The following PCDHA1 variants were observed in gnomAD, a reference collection of about 807,000 sequenced individuals.
The protein encoded by PCDHA1 is protocadherin alpha 1.
In PCDHA1, 42 loss-of-function variants were observed where a neutral mutation model predicts 61.3. That is an observed-to-expected ratio of 0.69 (90% confidence interval 0.54 to 0.89). The LOEUF is 0.89. Ranked by LOEUF, PCDHA1 falls within the 40% of genes least tolerant of loss-of-function variation. The pLI, the probability that PCDHA1 is intolerant of heterozygous loss-of-function variation, is 0.00. For synonymous variants in PCDHA1, 610 were observed against 553.8 expected (o/e 1.10, Z -1.43); for missense variants, 1,256 against 1,235.3 (o/e 1.02, Z -0.25).
At chr5:140,788,755 A>G in intron 1 of PCDHA1, 71 bp downstream of exon 1, 1 of 1,465,940 alleles carries the variant, frequency 6.8e-7, no homozygotes, top group Non-Finnish European at 9.1e-7. Context: ...CTTTTCAAAT[A>G]TCACTTTAAA....
chr5:140,957,948 G>C (rs2153715688), intron 1 of PCDHA1, among the ~76,000 whole-genome samples: 1 of 152,152 alleles, frequency 6.6e-6, no homozygotes, highest in Non-Finnish European at 1.5e-5. Flanking sequence ...AGATCTTTAA[G>C]ACTATTAATT....
rs1554119788 is a variant in PCDHA1 at position 140,796,249 on chromosome 5, G to A, written c.2394+7565G>A. 6.2e-7 allele frequency: 1 copy of A among 1,614,030 alleles called. No individual in the cohort carries two copies. The highest frequency in any genetic ancestry group is 1.3e-5 in the African/African-American group (1 of 74,954). Reference sequence around the variant, plus strand: ...CTATGAGCTGGTGGTGACCGCACGGGACGGGGGCTCGCCTTCACTGTGGGC... The same window carrying A: ...CTATGAGCTGGTGGTGACCGCACGGAACGGGGGCTCGCCTTCACTGTGGGC... On this transcript the variant is annotated intron_variant, in intron 1 of 3. Transcript: ENST00000504120.
At chr5:140,934,771 A>G (rs1319115042) in intron 1 of PCDHA1, among the ~76,000 whole-genome samples, 2 of 152,184 alleles carry the variant, frequency 1.3e-5, no homozygotes, top group Non-Finnish European at 2.9e-5. Context: ...CATATTTGAT[A>G]TGGCCCAATC....
intron 1 of PCDHA1, chr5:140,815,961 G>C (rs1765822875): frequency 6.6e-6 from 1 of 152,150 alleles, no homozygotes; most frequent in Non-Finnish European, 1.5e-5. Context: ...AGTTAGGGGT[G>C]TTCTTTTGTA....
At chr5:140,869,703 G>A in intron 1 of PCDHA1, 1 of 1,613,428 alleles carries the variant, frequency 6.2e-7, no homozygotes, top group Non-Finnish European at 8.5e-7. Context: ...AGAAGTCTCT[G>A]GATAGAGAGA....
intron 1 of PCDHA1, among the ~76,000 whole-genome samples, chr5:140,880,789 A>G (rs917582554): frequency 1.3e-5 from 2 of 152,230 alleles, no homozygotes; most frequent in African/African-American, 4.8e-5. Flanking sequence ...TAGAGGAGTA[A>G]TATAAATAGG....
intron 1 of PCDHA1, among the ~76,000 whole-genome samples, chr5:140,903,619 A>T (rs1272385465): frequency 1.3e-5 from 2 of 152,226 alleles, no homozygotes; most frequent in African/African-American, 2.4e-5. Flanking sequence ...ATGAATGTGC[A>T]TGCATATGTA....
chr5:140,838,073 ATATAGTGTGTGTGTGTGTGT>A (rs1417460358), intron 1 of PCDHA1, among the ~76,000 whole-genome samples: 1 of 126,728 alleles, frequency 7.9e-6, no homozygotes, highest in African/African-American at 3.2e-5. Context: ...AGTTATATAT[ATATAGTGTGTGTGTGTGTGT>A]GTGTGTGTGT....
intron 1 of PCDHA1, chr5:140,853,462 C>A: frequency 1.0e-6 from 1 of 971,970 alleles, no homozygotes; most frequent in Non-Finnish European, 1.2e-6. Context: ...TCCTTATATG[C>A]ATCTGTAGTT....
intron 1 of PCDHA1, chr5:140,830,139 C>T (rs2150181764): frequency 3.1e-6 from 5 of 1,613,142 alleles, no homozygotes; most frequent in Admixed American, 3.3e-5. Context: ...TCACGGGCGT[C>T]GGTGGGCGCC....
intron 1 of PCDHA1, chr5:140,869,699 C>T (rs10071369): frequency 6.2e-7 from 1 of 1,613,378 alleles, no homozygotes; most frequent in East Asian, 2.2e-5. Context: ...TTAAAGAAGT[C>T]TCTGGATAGA....
rs77462249 is a variant in PCDHA1 at position 141,008,293 on chromosome 5, C to G, written c.2543-1334C>G. ...ATAGGAAATTGAAATAGCAGTTGTA[C>G]CCAACCCTAAACTGTAATTGAACAT... On this transcript the variant is annotated intron_variant, in intron 3 of 3. Coordinates refer to ENST00000504120, the MANE Select transcript of PCDHA1 (RefSeq NM_018900.4). 3.5e-3 allele frequency among the ~76,000 whole-genome samples: 527 copies of G among 152,254 alleles called. 1 individual carries two copies. The highest frequency in any genetic ancestry group is 5.9e-3 in the Non-Finnish European group (399 of 68,006).
intron 1 of PCDHA1, chr5:140,842,676 C>T (rs2150341725): frequency 6.3e-7 from 1 of 1,595,430 alleles, no homozygotes. Context: ...AACGACAATG[C>T]TCCGGCGTTC....
At chr5:140,991,782 C>A (rs1257930918) in intron 3 of PCDHA1, among the ~76,000 whole-genome samples, 1 of 152,158 alleles carries the variant, frequency 6.6e-6, no homozygotes, top group Non-Finnish European at 1.5e-5. Flanking sequence ...AGACTCTGCC[C>A]ATTTCCCAAT....
At chr5:140,807,692 A>G (rs781931129) in intron 1 of PCDHA1, 3 of 1,614,098 alleles carry the variant, frequency 1.9e-6, no homozygotes, top group African/African-American at 1.3e-5. Flanking sequence ...CGCCCTGCTC[A>G]CTTACAGACT....
chr5:140,976,841 A>G lies in PCDHA1; in HGVS notation c.2395-2108A>G, dbSNP rs145977857. Among the ~76,000 whole-genome samples the G allele has an allele frequency of 1.2e-3, 190 of 152,338 alleles. 1 individual carries two copies. Among genetic ancestry groups the G allele is most frequent in the African/African-American group, 4.3e-3 (178 of 41,578 alleles). ...GTGTCTAATGAGCAAAACAGATATA[A>G]TCCCTTTCATAGAGTTTACTGTCTG... On this transcript the variant is annotated intron_variant, in intron 1 of 3. Coordinates refer to ENST00000504120, the MANE Select transcript of PCDHA1 (RefSeq NM_018900.4).
intron 1 of PCDHA1, among the ~76,000 whole-genome samples, chr5:140,895,581 TTAGA>T (rs1442561424): frequency 6.6e-6 from 1 of 152,216 alleles, no homozygotes; most frequent in Non-Finnish European, 1.5e-5. Flanking sequence ...AATTACTTTA[TTAGA>T]TATATAATTT....
chr5:140,821,774 A>G (rs2150110561), intron 1 of PCDHA1: 43 of 1,605,178 alleles, frequency 2.7e-5, no homozygotes, highest in Non-Finnish European at 3.7e-5. Flanking sequence ...AACGAGATTG[A>G]GATGGTATAT....
At chr5:140,912,721 A>G (rs377668484) in intron 1 of PCDHA1, among the ~76,000 whole-genome samples, 2 of 152,066 alleles carry the variant, frequency 1.3e-5, no homozygotes, top group East Asian at 1.9e-4. Flanking sequence ...TCTCCATTCA[A>G]TATGATGTTG....
Sources: gnomAD v4.1 joint callset for allele counts (sites outside exome capture counted in the v4.1 genomes callset) on GRCh38, gnomAD v4.1.1 for gene constraint, MANE v1.5 for transcripts, NCBI Gene and HGNC (gene_info 2026-07-23, HGNC 2026-07-21) for gene names.